CORO7: variants seen among roughly 807,000 people sequenced by gnomAD.
CORO7 encodes coronin 7, also known as coronin-7.
CORO7 carries 107 observed loss-of-function variants against 126.6 expected under a neutral mutation model. The ratio of observed to expected loss-of-function variants is 0.85; its 90% CI spans 0.72 to 0.99. The LOEUF is 0.99. CORO7 is among the 50% of genes least tolerant of loss of function. The probability of loss-of-function intolerance (pLI) is 0.00; values close to 1 mark genes in which losing one functional copy is unlikely to be tolerated. For synonymous variants in CORO7, 603 were observed against 536.8 expected (o/e 1.12, Z -1.70); for missense variants, 1,314 against 1,255.8 (o/e 1.05, Z -0.70).
intron 9 of CORO7, among the ~76,000 whole-genome samples, chr16:4,379,084 C>T (rs1480639748): frequency 1.3e-5 from 2 of 151,986 alleles, no homozygotes; most frequent in African/African-American, 4.8e-5. Flanking sequence ...TCCAGGAACC[C>T]ACGTACCTGG....
At chr16:4,361,269 C>T (rs1362553750) in intron 17 of CORO7, 21 bp from the exon 18 acceptor site, 1 of 1,612,142 alleles carries the variant, frequency 6.2e-7, no homozygotes, top group Admixed American at 1.7e-5. Context: ...CAGACAGGGG[C>T]TCATCATTGC....
At position 4,407,781 on chromosome 16, in the gene CORO7, C is replaced by A. The variant is rs2056060908; in HGVS notation, c.304-97G>T. The A allele has an allele frequency of 3.5e-6, 5 of 1,411,946 alleles. 1 individual carries two copies. In the South Asian group the frequency reaches 6.0e-5, roughly 17 times the overall value. The allele number at this position is 1,411,946 out of a possible 1,614,324, so 87.5% of individuals were successfully genotyped here. A position where few individuals can be genotyped will look rare whatever the true frequency, so the allele number is the denominator to read the frequency against. On this transcript the variant is annotated intron_variant, in intron 4 of 27. Coordinates refer to ENST00000251166, the MANE Select transcript of CORO7 (RefSeq NM_024535.5). ...AGTGAGGTCCCGTGTTGGAACTAGG[C>A]TGCTCCAGGAGACCACACACCTTGG...
chr16:4,365,629 C>T, intron 9 of CORO7, 84 bp from the exon 10 acceptor site: 3 of 1,519,704 alleles, frequency 2.0e-6, no homozygotes, highest in South Asian at 2.4e-5. Context: ...CCAGGACAGG[C>T]ACCACAGTGA....
At position 4,388,088 on chromosome 16, in the gene CORO7, G is replaced by A. The variant is rs2141264613; in HGVS notation, c.703-20C>T. 3 of 1,602,272 alleles carry A rather than the reference G, an allele frequency of 1.9e-6. No homozygotes were observed. The highest frequency in any genetic ancestry group is 1.3e-5 in the African/African-American group (1 of 74,770). On this transcript the variant is annotated intron_variant, in intron 8 of 27. Coordinates refer to ENST00000251166, the MANE Select transcript of CORO7 (RefSeq NM_024535.5). ...ACGCATCTGCAGGGAGGGCGAGAGAGGGGCTCAGAGGGGCCTGTCCCTCAG... is the reference window on the plus strand; with the variant it reads ...ACGCATCTGCAGGGAGGGCGAGAGAAGGGCTCAGAGGGGCCTGTCCCTCAG...
chr16:4,357,796 G>A lies in CORO7; in HGVS notation c.2593+172C>T, dbSNP rs1008891019. 8 of 1,227,456 alleles carry A rather than the reference G, an allele frequency of 6.5e-6. No homozygotes were observed. In the African/African-American group the frequency reaches 1.2e-4, roughly 19 times the overall value. The allele number at this position is 1,227,456 out of a possible 1,614,324, so 76.0% of individuals were successfully genotyped here. A position where few individuals can be genotyped will look rare whatever the true frequency, so the allele number is the denominator to read the frequency against. On this transcript the variant is annotated intron_variant, in intron 25 of 27. Coordinates refer to ENST00000251166, the MANE Select transcript of CORO7 (RefSeq NM_024535.5). ...GGTGGGGACCTGTGATGAAAACACA[G>A]ACCACGAGCCCTGCCCTCCACTGGC... is the stretch of plus-strand genomic sequence containing the variant.
intron 9 of CORO7, among the ~76,000 whole-genome samples, chr16:4,374,717 C>T (rs1046051637): frequency 2.6e-5 from 4 of 152,134 alleles, no homozygotes; most frequent in East Asian, 1.9e-4. Context: ...ACCCCAGGGG[C>T]GCCATTTCTG....
chr16:4,358,410 T>A lies in CORO7; in HGVS notation c.2414A>T (p.Gln805Leu). ...GAAGGCCACAGGCTCCAGGGAGGAC[T>A]GACGCAGCCGCAGGCACCGCATCAG... ...VELMRCLRLR[Q>L]SSLEPVAFRL... Residue 805 changes from glutamine to leucine, a missense_variant, in exon 24 of 28, where the codon CAG becomes CTG. Coordinates refer to ENST00000251166, the MANE Select transcript of CORO7 (RefSeq NM_024535.5). The A allele has an allele frequency of 6.2e-7, 1 of 1,612,496 alleles. No individual in the cohort carries two copies. The highest frequency in any genetic ancestry group is 1.3e-5 in the African/African-American group (1 of 75,008).
intron 6 of CORO7, among the ~76,000 whole-genome samples, chr16:4,403,427 C>T (rs774865701): frequency 1.4e-4 from 22 of 152,142 alleles, no homozygotes; most frequent in Non-Finnish European, 2.8e-4. Context: ...GGAGGCAATG[C>T]TGCGTCCCCG....
chr16:4,384,504 T>C (rs914089980), intron 9 of CORO7, among the ~76,000 whole-genome samples: 3 of 152,164 alleles, frequency 2.0e-5, no homozygotes, highest in Non-Finnish European at 2.9e-5. Flanking sequence ...GCAGACCCCA[T>C]GCCACTGTCC....
chr16:4,400,523 C>A (rs1363920050), intron 6 of CORO7, among the ~76,000 whole-genome samples: 1 of 152,180 alleles, frequency 6.6e-6, no homozygotes, highest in African/African-American at 2.4e-5. Context: ...ATCCCAGCTA[C>A]TCGGGACGGG....
rs1432436602 is a variant in CORO7 at position 4,389,455 on chromosome 16, C to T, written c.616-824G>A. ...GCTCACCCCAAACCATGGCCAGCTTCCTCCGAACTTCCCACGATCTCCTTG... is the reference window on the plus strand; with the variant it reads ...GCTCACCCCAAACCATGGCCAGCTTTCTCCGAACTTCCCACGATCTCCTTG... On this transcript the variant is annotated intron_variant, in intron 7 of 27. Coordinates refer to ENST00000251166, the MANE Select transcript of CORO7 (RefSeq NM_024535.5). 2.0e-5 allele frequency among the ~76,000 whole-genome samples: 3 copies of T among 152,218 alleles called. No individual in the cohort carries two copies. The East Asian group carries it at 5.8e-4, about 29-fold the overall frequency.
Position 4,388,642 on chromosome 16 carries a change from C to T in CORO7, c.616-11G>A, listed in dbSNP as rs532994933. ...ATGGGCCTGCGTGCTCTGCAGGAGG[C>T]AAGAGGTGGACCTGAGCCCCCAGGG... On this transcript the variant is annotated splice_polypyrimidine_tract_variant and intron_variant, in intron 7 of 27. Coordinates refer to ENST00000251166, the MANE Select transcript of CORO7 (RefSeq NM_024535.5). 26 of 1,608,130 alleles carry T rather than the reference C, an allele frequency of 1.6e-5. No individual in the cohort carries two copies. Among genetic ancestry groups the T allele is most frequent in the African/African-American group, 4.0e-5 (3 of 75,030 alleles).
At chr16:4,401,998 G>T (rs188386136) in intron 6 of CORO7, among the ~76,000 whole-genome samples, 1 of 151,766 alleles carries the variant, frequency 6.6e-6, no homozygotes, top group African/African-American at 2.4e-5. Context: ...GAGTGCAATG[G>T]TGTGATCTCG....
intron 21 of CORO7, among the ~76,000 whole-genome samples, chr16:4,359,935 C>T (rs1429709276): frequency 7.1e-6 from 1 of 140,120 alleles, no homozygotes; most frequent in African/African-American, 2.7e-5. Flanking sequence ...ATCCATCTCC[C>T]CACTACCCCC....
At chr16:4,409,406 C>T (rs1027962878) in intron 3 of CORO7, among the ~76,000 whole-genome samples, 10 of 152,210 alleles carry the variant, frequency 6.6e-5, no homozygotes, top group South Asian at 2.1e-4. Flanking sequence ...GCAGCTGGCA[C>T]AGGCGGGCTG....
intron 25 of CORO7, chr16:4,357,560 T>C: frequency 2.9e-6 from 1 of 345,776 alleles, no homozygotes; most frequent in Non-Finnish European, 5.3e-6. Flanking sequence ...TTCACCATGT[T>C]GGCCAGGCTG....
intron 18 of CORO7, 23 bp downstream of exon 18, chr16:4,361,138 GC>G: frequency 6.2e-7 from 1 of 1,613,266 alleles, no homozygotes; most frequent in South Asian, 1.1e-5. Context: ...GGCCACCCCA[GC>G]CCCATTCCTG....
At chr16:4,390,491 G>C (rs1047076806) in intron 7 of CORO7, among the ~76,000 whole-genome samples, 3 of 152,226 alleles carry the variant, frequency 2.0e-5, no homozygotes, top group African/African-American at 7.2e-5. Flanking sequence ...TAGGCTGGGA[G>C]GGTTGATAGG....
intron 5 of CORO7, 105 bp downstream of exon 5, chr16:4,407,396 T>G: frequency 7.4e-7 from 1 of 1,345,364 alleles, no homozygotes; most frequent in Non-Finnish European, 1.0e-6. Flanking sequence ...GTGTAAAACT[T>G]TGATATCTGT....
Sources: gnomAD v4.1 joint callset for allele counts (sites outside exome capture counted in the v4.1 genomes callset) on GRCh38, gnomAD v4.1.1 for gene constraint, MANE v1.5 for transcripts, NCBI Gene and HGNC (gene_info 2026-07-23, HGNC 2026-07-21) for gene names.